The following FAM186A variants were observed in gnomAD, a reference collection of about 807,000 sequenced individuals.
FAM186A encodes family with sequence similarity 186 member A.
In FAM186A, 163 loss-of-function variants were observed where a neutral mutation model predicts 216.8. The observed-to-expected ratio is 0.75, with a 90% CI of 0.66 to 0.86. The LOEUF (loss-of-function observed/expected upper bound fraction) is 0.86. Among genes scored for constraint, FAM186A ranks in the 40% least tolerant of loss-of-function variants. FAM186A has a pLI of 0.00. For synonymous variants in FAM186A, 805 were observed against 1,025.3 expected, an observed-to-expected ratio of 0.79 and a Z score of 4.10; for missense variants, 2,184 against 2,746.2, an observed-to-expected ratio of 0.80 and a Z score of 4.58.
At position 50,353,919 on chromosome 12, in the gene FAM186A, T is replaced by A. The variant is rs1276317009; in HGVS notation, c.2913A>T (p.Pro971=). 4 of 1,553,356 alleles carry A rather than the reference T, an allele frequency of 2.6e-6. No individual in the cohort carries two copies. The highest frequency in any genetic ancestry group is 2.6e-6 in the Non-Finnish European group (3 of 1,147,952). Residue 971 remains proline (P), a synonymous_variant, in exon 4 of 8, where the codon CCA becomes CCT. Transcript: ENST00000327337. ...RREKGKEKQK[P]ERGLEDLERQ... is the part of the protein sequence containing the mutation. ...TTTCGAGGTCCTCTAGCCCTCTCTC[T>A]GGCTTCTGCTTTTCCTTCCCTTTCT...
intron 5 of FAM186A, among the ~76,000 whole-genome samples, chr12:50,333,012 A>C (rs1322606803): frequency 6.6e-6 from 1 of 152,126 alleles, no homozygotes; most frequent in Non-Finnish European, 1.5e-5. Flanking sequence ...TGGGTGACAC[A>C]GTGAGACCTC....
At chr12:50,339,751 C>G (rs1322466111) in intron 4 of FAM186A, among the ~76,000 whole-genome samples, 72 of 47,524 alleles carry the variant, frequency 1.5e-3, no homozygotes, top group Non-Finnish European at 5.6e-3. Context: ...TACACACACA[C>G]ACACACACAC....
At chr12:50,366,707 A>AT (rs1339442995) in intron 1 of FAM186A, among the ~76,000 whole-genome samples, 16 of 90,834 alleles carry the variant, frequency 1.8e-4, no homozygotes, top group African/African-American at 5.1e-4. Context: ...CCCTTTCATT[A>AT]TTAAAAAAAA....
At chr12:50,389,952 G>A (rs1298561416) in intron 1 of FAM186A, among the ~76,000 whole-genome samples, 1 of 152,188 alleles carries the variant, frequency 6.6e-6, no homozygotes, top group Non-Finnish European at 1.5e-5. Context: ...TTCCTAGGTA[G>A]AGGCACTAGT....
chr12:50,366,938 T>G (rs113175098), intron 1 of FAM186A, among the ~76,000 whole-genome samples: 1 of 152,146 alleles, frequency 6.6e-6, no homozygotes, highest in Non-Finnish European at 1.5e-5. Context: ...TACTTGAACC[T>G]GGGAGGTCAA....
Position 50,333,958 on chromosome 12 carries a change from G to T in FAM186A, c.6649C>A (p.Gln2217Lys). 1.3e-6 allele frequency: 2 copies of T among 1,551,568 alleles called. No homozygotes were observed. Among genetic ancestry groups the T allele is most frequent in the South Asian group, 1.2e-5 (1 of 84,034 alleles). Reference protein sequence around the residue: ...VWTEKQKSLGQKRNQCLKKMI... With the variant: ...VWTEKQKSLGKKRNQCLKKMI... ...TTCTTCAGGCACTGATTCCGTTTCTGCCCTAGAGACTTCTGCTTCTCAGTC... is the reference window on the plus strand; with the variant it reads ...TTCTTCAGGCACTGATTCCGTTTCTTCCCTAGAGACTTCTGCTTCTCAGTC... The change falls in exon 5 of 8, where the codon CAG (glutamine) becomes AAG (lysine). Residue 2217 changes from glutamine to lysine, a missense_variant. Coordinates refer to ENST00000327337, the MANE Select transcript of FAM186A (RefSeq NM_001145475.3).
chr12:50,347,623 G>T (rs1408204776), intron 4 of FAM186A, among the ~76,000 whole-genome samples: 3 of 151,618 alleles, frequency 2.0e-5, no homozygotes, highest in Non-Finnish European at 2.9e-5. Flanking sequence ...TACTCTAGAG[G>T]CTGAGGGCAG....
chr12:50,375,549 CAAA>C (rs35534756), intron 1 of FAM186A, among the ~76,000 whole-genome samples: 3 of 90,842 alleles, frequency 3.3e-5, no homozygotes, highest in Non-Finnish European at 2.3e-5. Context: ...AGCTCTGTCT[CAAA>C]AAAAAAAAAA....
intron 1 of FAM186A, among the ~76,000 whole-genome samples, chr12:50,395,661 C>T (rs1224683218): frequency 6.6e-6 from 1 of 152,034 alleles, no homozygotes; most frequent in East Asian, 1.9e-4. Context: ...CTAATTTCTC[C>T]TTGAAGTGTA....
intron 7 of FAM186A, among the ~76,000 whole-genome samples, chr12:50,329,080 A>G (rs1255265707): frequency 6.6e-6 from 1 of 152,162 alleles, no homozygotes; most frequent in Non-Finnish European, 1.5e-5. Flanking sequence ...AGATTGCACC[A>G]CTGCACTCTA....
chr12:50,351,326 G>A lies in FAM186A; in HGVS notation c.5506C>T (p.Gln1836Ter). 1.3e-6 allele frequency: 2 copies of A among 1,506,948 alleles called. No homozygotes were observed. Among genetic ancestry groups the A allele is most frequent in the Non-Finnish European group, 1.8e-6 (2 of 1,129,158 alleles). 93.3% of individuals were successfully genotyped at this position (1,506,948 alleles called of 1,614,324 possible). ...PISRAPPTPGQPFIAGVPPTS... is the reference protein window; with the variant it reads ...PISRAPPTPG ...GGTGGAACTCCAGCTATAAAGGGCT[G>A]CCCTGGAGTGGGAGGGGCCCGAGAT... The change falls in exon 4 of 8, where the codon CAG (glutamine) becomes TAG (stop). Residue 1836 changes from glutamine (Q) to a stop codon, truncating the protein, a stop_gained. Transcript: ENST00000327337. LOFTEE classifies it high-confidence loss of function.
chr12:50,343,170 A>T (rs945692562), intron 4 of FAM186A, among the ~76,000 whole-genome samples: 1 of 151,932 alleles, frequency 6.6e-6, no homozygotes, highest in African/African-American at 2.4e-5. Context: ...TACAGTGATC[A>T]CGCCACTGCA....
chr12:50,345,253 C>T (rs1041875587), intron 4 of FAM186A, among the ~76,000 whole-genome samples: 7 of 152,086 alleles, frequency 4.6e-5, no homozygotes, highest in Middle Eastern at 3.2e-3. Context: ...TCATTAACAG[C>T]GTATAAGCAT....
At chr12:50,344,599 A>G (rs1942794667) in intron 4 of FAM186A, among the ~76,000 whole-genome samples, 1 of 152,158 alleles carries the variant, frequency 6.6e-6, no homozygotes, top group Admixed American at 6.6e-5. Flanking sequence ...TTTTGGTATA[A>G]TAATTTATTT....
chr12:50,334,507 T>C (rs1942688981), intron 4 of FAM186A, among the ~76,000 whole-genome samples: 1 of 151,316 alleles, frequency 6.6e-6, no homozygotes. Flanking sequence ...AGACAGAGTC[T>C]CACTCTGTTG....
At position 50,355,796 on chromosome 12, in the gene FAM186A, T is replaced by C; in HGVS notation, c.1036A>G (p.Thr346Ala). The change falls in exon 4 of 8, where the codon ACA (threonine) becomes GCA (alanine). Residue 346 changes from threonine (T) to alanine (A), a missense_variant. By Grantham distance (58) the Thr-to-Ala change is moderately conservative. Coordinates refer to ENST00000327337, the MANE Select transcript of FAM186A (RefSeq NM_001145475.3). ...VIEQLYAKLS[T>A]SSTLKVLPGP... ...GGTAACACTTTCAAGGTTGATGATG[T>C]GGACAATTTTGCATATAGTTGTTCT... 1 of 1,551,698 alleles carries C rather than the reference T, an allele frequency of 6.4e-7. No individual in the cohort carries two copies. Among genetic ancestry groups the C allele is most frequent in the Non-Finnish European group, 8.7e-7 (1 of 1,146,986 alleles).
chr12:50,351,731 A>T lies in FAM186A; in HGVS notation c.5101T>A (p.Ser1701Thr). The change falls in exon 4 of 8, where the codon TCG (serine) becomes ACG (threonine). Residue 1701 changes from serine to threonine, a missense_variant. By Grantham distance (58) the Ser-to-Thr change is moderately conservative. Coordinates refer to ENST00000327337, the MANE Select transcript of FAM186A (RefSeq NM_001145475.3). The part of the protein sequence containing the change: ...LTLDKAHTLG[S>T]PLTLKQVQWS... ...TGGACTTGCTTAAGGGTGAGGGGCG[A>T]TCCCAAGGTATGGGCTTTATCTAAG... The T allele has an allele frequency of 4.5e-6, 7 of 1,551,506 alleles. No individual in the cohort carries two copies. Among genetic ancestry groups the T allele is most frequent in the Non-Finnish European group, 6.1e-6 (7 of 1,146,864 alleles).
At chr12:50,359,868 T>C (rs1292880281) in intron 3 of FAM186A, among the ~76,000 whole-genome samples, 2 of 152,210 alleles carry the variant, frequency 1.3e-5, no homozygotes, top group Non-Finnish European at 2.9e-5. Context: ...CATTAGTGAC[T>C]GTGTGGTGCT....
At chr12:50,347,077 A>G (rs547867581) in intron 4 of FAM186A, among the ~76,000 whole-genome samples, 1 of 152,038 alleles carries the variant, frequency 6.6e-6, no homozygotes, top group Non-Finnish European at 1.5e-5. Context: ...AGGTTTTGCT[A>G]TTTTAACAAA....
Sources: gnomAD v4.1 joint callset for allele counts (sites outside exome capture counted in the v4.1 genomes callset) on GRCh38, gnomAD v4.1.1 for gene constraint, MANE v1.5 for transcripts, NCBI Gene and HGNC (gene_info 2026-07-23, HGNC 2026-07-21) for gene names.